Variants in NCKAP5 observed in about 807,000 individuals in gnomAD.
NCKAP5 encodes NCK associated protein 5.
A neutral mutation model predicts 167.0 loss-of-function variants in NCKAP5; 92 were observed. The ratio of observed to expected loss-of-function variants is 0.55; its 90% CI spans 0.47 to 0.66. NCKAP5 has a LOEUF of 0.66. Among genes scored for constraint, NCKAP5 ranks in the 30% least tolerant of loss-of-function variants. The probability of loss-of-function intolerance (pLI) is 0.00; values close to 1 mark genes in which losing one functional copy is unlikely to be tolerated. For missense variants in NCKAP5, 2,378 were observed against 2,315.0 expected, an observed-to-expected ratio of 1.03 and a Z score of -0.56; for synonymous variants, 891 against 877.4, an observed-to-expected ratio of 1.02 and a Z score of -0.27.
chr2:133,163,985 C>G (rs1223122902), intron 5 of NCKAP5, among the ~76,000 whole-genome samples: 1 of 152,254 alleles, frequency 6.6e-6, no homozygotes, highest in Middle Eastern at 3.4e-3. Context: ...CTCAACTGAA[C>G]AAAGCAAGCA....
intron 8 of NCKAP5, among the ~76,000 whole-genome samples, chr2:132,920,301 T>C (rs1415738404): frequency 6.6e-6 from 1 of 152,150 alleles, no homozygotes; most frequent in Admixed American, 6.6e-5. Context: ...TCTGAGGTCC[T>C]AGGTAGGAAT....
chr2:133,062,670 A>G (rs1316386049), intron 6 of NCKAP5, among the ~76,000 whole-genome samples: 1 of 152,334 alleles, frequency 6.6e-6, no homozygotes, highest in East Asian at 1.9e-4. Flanking sequence ...TAAGTTTAAT[A>G]GCAGGGTTAT....
chr2:133,403,269 T>C (rs573925250), intron 3 of NCKAP5, among the ~76,000 whole-genome samples: 1 of 152,336 alleles, frequency 6.6e-6, no homozygotes, highest in South Asian at 2.1e-4. Context: ...GTAATTAAAA[T>C]GTCATGCACC....
At chr2:132,978,651 T>C (rs974917856) in intron 7 of NCKAP5, among the ~76,000 whole-genome samples, 11 of 152,160 alleles carry the variant, frequency 7.2e-5, no homozygotes, top group Non-Finnish European at 1.5e-4. Context: ...TACAGCTCTT[T>C]CCTTAGAAAC....
At chr2:132,949,301 T>C (rs2076109266) in intron 8 of NCKAP5, among the ~76,000 whole-genome samples, 2 of 152,136 alleles carry the variant, frequency 1.3e-5, no homozygotes, top group Admixed American at 6.5e-5. Flanking sequence ...GGTTGGCCAA[T>C]TGCTAGAGAC....
At chr2:133,006,678 C>T (rs1228306155) in intron 6 of NCKAP5, among the ~76,000 whole-genome samples, 3 of 151,838 alleles carry the variant, frequency 2.0e-5, no homozygotes, top group Non-Finnish European at 2.9e-5. Context: ...GTCAAACTAA[C>T]AGTCACACTG....
intron 6 of NCKAP5, among the ~76,000 whole-genome samples, chr2:133,104,998 C>T (rs2149693764): frequency 6.6e-6 from 1 of 152,356 alleles, no homozygotes; most frequent in South Asian, 2.1e-4. Flanking sequence ...CTCACACTCT[C>T]TCCCGCTAAT....
intron 6 of NCKAP5, among the ~76,000 whole-genome samples, chr2:133,115,841 C>CACACACACACACACAG (rs1298341006): frequency 6.9e-6 from 1 of 145,896 alleles, no homozygotes; most frequent in East Asian, 2.0e-4. Flanking sequence ...CACACACACA[C>CACACACACACACACAG]ACGCCCTTCT....
At chr2:133,501,053 A>G (rs1682464795) in intron 3 of NCKAP5, among the ~76,000 whole-genome samples, 1 of 152,214 alleles carries the variant, frequency 6.6e-6, no homozygotes, top group African/African-American at 2.4e-5. Context: ...AGAATCATTC[A>G]GCTCCAAGGA....
At chr2:133,200,209 T>C (rs1052236856) in intron 5 of NCKAP5, among the ~76,000 whole-genome samples, 1 of 151,918 alleles carries the variant, frequency 6.6e-6, no homozygotes, top group African/African-American at 2.4e-5. Context: ...AAGTTTACTA[T>C]AGTAGTATTT....
Position 132,781,885 on chromosome 2 carries a change from T to C in NCKAP5, c.4871+55A>G, listed in dbSNP as rs919920695. 6.0e-6 allele frequency: 9 copies of C among 1,510,744 alleles called. No homozygotes were observed. The African/African-American group carries it at 1.3e-4, about 21-fold the overall frequency. 93.6% of individuals were successfully genotyped at this position (1,510,744 alleles called of 1,614,324 possible). ...AATGCACAGGAAGCAAACAACTCTT[T>C]TAAAGGTGGTGGAGGGACCCCTCTA... On this transcript the variant is annotated intron_variant, in intron 14 of 19. Transcript: ENST00000409261.
At chr2:133,139,983 C>G (rs747871033) in intron 5 of NCKAP5, among the ~76,000 whole-genome samples, 2 of 152,158 alleles carry the variant, frequency 1.3e-5, no homozygotes, top group Non-Finnish European at 1.5e-5. Flanking sequence ...TGAGTTTATT[C>G]AGTCAAAAGG....
chr2:132,819,422 G>T (rs958729738), intron 11 of NCKAP5, among the ~76,000 whole-genome samples: 14 of 152,158 alleles, frequency 9.2e-5, no homozygotes, highest in Middle Eastern at 6.3e-3. Context: ...TAGCCCTGTG[G>T]TGAGCTCAAG....
At chr2:132,752,118 G>T (rs75680190) in intron 16 of NCKAP5, among the ~76,000 whole-genome samples, 2,848 of 152,056 alleles carry the variant, frequency 0.019, 87 homozygotes, top group African/African-American at 0.065. Flanking sequence ...ATCATTTTTT[G>T]CCCATAGAGA....
the NCKAP5 span, among the ~76,000 whole-genome samples, chr2:133,666,461 G>C: frequency 6.6e-6 from 1 of 151,884 alleles, no homozygotes; most frequent in Non-Finnish European, 1.5e-5. Context: ...GCCTCCCGAA[G>C]TGCTGGGATT....
chr2:133,295,590 G>A (rs1266285432), intron 4 of NCKAP5, among the ~76,000 whole-genome samples: 1 of 152,148 alleles, frequency 6.6e-6, no homozygotes, highest in African/African-American at 2.4e-5. Context: ...TTAGACCACT[G>A]ATGCTCAACT....
At chr2:133,177,642 C>G (rs953751364) in intron 5 of NCKAP5, among the ~76,000 whole-genome samples, 10 of 152,120 alleles carry the variant, frequency 6.6e-5, no homozygotes, top group Non-Finnish European at 1.5e-4. Context: ...CACTCCTACA[C>G]CAGATATTTT....
intron 8 of NCKAP5, among the ~76,000 whole-genome samples, chr2:132,940,020 G>T (rs1031230323): frequency 5.9e-5 from 9 of 152,022 alleles, no homozygotes; most frequent in African/African-American, 2.2e-4. Flanking sequence ...ATACATAGTA[G>T]TCTTTTATCC....
chr2:133,366,243 A>T (rs1375334217), intron 3 of NCKAP5, among the ~76,000 whole-genome samples: 1 of 152,228 alleles, frequency 6.6e-6, no homozygotes, highest in Non-Finnish European at 1.5e-5. Context: ...AGATAAAGTC[A>T]GATGTTGATT....
Sources: gnomAD v4.1 joint callset for allele counts (sites outside exome capture counted in the v4.1 genomes callset) on GRCh38, gnomAD v4.1.1 for gene constraint, MANE v1.5 for transcripts, NCBI Gene and HGNC (gene_info 2026-07-23, HGNC 2026-07-21) for gene names.